ABCG5: variants seen among roughly 807,000 people sequenced by gnomAD.
ABCG5 encodes ATP-binding cassette sub-family G member 5.
Under a neutral mutation model 64.5 loss-of-function variants are expected in ABCG5, and 64 were observed. That is an observed-to-expected ratio of 0.99 (90% CI 0.81 to 1.22). The LOEUF is 1.22. Among genes scored for constraint, ABCG5 ranks in the 50% most tolerant of loss-of-function variants. The pLI is 0.00. For synonymous variants in ABCG5, 385 were observed against 326.3 expected, an observed-to-expected ratio of 1.18 and a Z score of -1.94; for missense variants, 908 against 829.5, an observed-to-expected ratio of 1.09 and a Z score of -1.16.
Position 43,828,104 on chromosome 2 carries a change from G to T in ABCG5, c.513C>A (p.Val171=), listed in dbSNP as rs1667732856. ...CATGGCTCAGACTCAGCTCTGCCAT[G>T]ACGGCCTCCACCTGCAGGAGACACA... ...PGSFQKKVEA[V]MAELSLSHVA... is the part of the protein sequence containing the mutation. Residue 171 remains valine (V), a synonymous_variant, in exon 5 of 13, where the codon GTC becomes GTA. Transcript: ENST00000405322. 6.2e-7 allele frequency: 1 copy of T among 1,613,904 alleles called. No homozygotes were observed. The highest frequency in any genetic ancestry group is 1.3e-5 in the African/African-American group (1 of 74,884).
rs770777560 is a variant in ABCG5 at position 43,827,995 on chromosome 2, G to A, written c.622C>T (p.Leu208Phe). 2.5e-6 allele frequency: 4 copies of A among 1,614,086 alleles called. No homozygotes were observed. In the East Asian group the frequency reaches 8.9e-5, roughly 36 times the overall value. ...RRRVSIAAQL[L>F]QDPKVMLFDE... ...GGGTGCCACTTACTAGGATCCTGGA[G>A]CAGCTGGGCTGCGATGGAGACCCGG... The change falls in exon 5 of 13, where the codon CTC (leucine) becomes TTC (phenylalanine). Residue 208 changes from leucine to phenylalanine, a missense_variant. Leu to Phe is a conservative substitution (Grantham distance 22). Coordinates refer to ENST00000405322, the MANE Select transcript of ABCG5 (RefSeq NM_022436.3).
In ABCG5 at chr2:43,837,877, C is replaced by G; in HGVS notation, c.222G>C (p.Leu74Phe). ...ACATGATCTGCCCGCTCTCCACGTA[C>G]AAGGAGACATCTTTGAGGATCTGCC... ...WTRQILKDVS[L>F]YVESGQIMCI... Residue 74 changes from leucine (L) to phenylalanine (F), a missense_variant, in exon 2 of 13, where the codon TTG (leucine) becomes TTC (phenylalanine). Coordinates refer to ENST00000405322, the MANE Select transcript of ABCG5 (RefSeq NM_022436.3). The G allele has an allele frequency of 6.2e-7, 1 of 1,614,150 alleles. No individual in the cohort carries two copies. The highest frequency in any genetic ancestry group is 8.5e-7 in the Non-Finnish European group (1 of 1,180,000).
intron 4 of ABCG5, among the ~76,000 whole-genome samples, chr2:43,830,660 T>C (rs1310631892): frequency 6.6e-6 from 1 of 152,150 alleles, no homozygotes; most frequent in Non-Finnish European, 1.5e-5. Context: ...TGACTCTCAA[T>C]TGGAGAGAAC....
intron 2 of ABCG5, among the ~76,000 whole-genome samples, chr2:43,833,549 ATT>A (rs1168918302): frequency 6.6e-6 from 1 of 150,934 alleles, no homozygotes; most frequent in Non-Finnish European, 1.5e-5. Context: ...TGCCCAACTA[ATT>A]TTTTTTGTAT....
chr2:43,812,239 G>A (rs1028353257), downstream of ABCG5, among the ~76,000 whole-genome samples: 2 of 151,474 alleles, frequency 1.3e-5, no homozygotes, highest in African/African-American at 4.8e-5. Context: ...TTTCTATATG[G>A]ACTTTAAATA....
chr2:43,820,132 C>T, intron 10 of ABCG5, 32 bp from the exon 11 acceptor site: 1 of 1,602,178 alleles, frequency 6.2e-7, no homozygotes. Flanking sequence ...AGTTTCCTCT[C>T]CAAGGGCTAT....
intron 10 of ABCG5, among the ~76,000 whole-genome samples, chr2:43,820,682 T>C (rs920669104): frequency 2.6e-5 from 4 of 152,178 alleles, no homozygotes; most frequent in Non-Finnish European, 5.9e-5. Context: ...GAGACGGAGT[T>C]GCACTCTGTT....
intron 12 of ABCG5, 41 bp downstream of exon 12, chr2:43,814,436 G>C: frequency 7.5e-7 from 1 of 1,324,946 alleles, no homozygotes; most frequent in Non-Finnish European, 1.1e-6. Context: ...TGCTTCCTCA[G>C]AGTAACATGC....
intron 11 of ABCG5, among the ~76,000 whole-genome samples, chr2:43,817,600 A>G (rs1361693294): frequency 6.6e-6 from 1 of 151,946 alleles, no homozygotes; most frequent in Admixed American, 6.6e-5. Flanking sequence ...CATAAGTTGA[A>G]AATATTCTAA....
chr2:43,833,549 A>AT (rs1168918302), intron 2 of ABCG5, among the ~76,000 whole-genome samples: 2 of 151,042 alleles, frequency 1.3e-5, no homozygotes, highest in South Asian at 2.1e-4. Flanking sequence ...TGCCCAACTA[A>AT]TTTTTTTTGT....
At chr2:43,813,685 G>T (rs201556839) in intron 12 of ABCG5, among the ~76,000 whole-genome samples, 291 of 18,572 alleles carry the variant, frequency 0.016, no homozygotes, top group Middle Eastern at 0.036. Flanking sequence ...TTTTTTTTTT[G>T]TTTTTTTTGG....
At chr2:43,828,970 AAAT>A (rs1558757991) in intron 4 of ABCG5, among the ~76,000 whole-genome samples, 1 of 151,964 alleles carries the variant, frequency 6.6e-6, no homozygotes, top group Non-Finnish European at 1.5e-5. Flanking sequence ...GATTCAAAAA[AAAT>A]AATAATAAAT....
chr2:43,814,795 A>T (rs1046870553), intron 11 of ABCG5, among the ~76,000 whole-genome samples: 5 of 152,202 alleles, frequency 3.3e-5, no homozygotes, highest in African/African-American at 1.2e-4. Context: ...TATTGTTAAC[A>T]TTTTGGTAAT....
intron 9 of ABCG5, among the ~76,000 whole-genome samples, chr2:43,823,545 G>A (rs888666237): frequency 1.3e-5 from 2 of 152,094 alleles, no homozygotes; most frequent in Non-Finnish European, 2.9e-5. Context: ...CCTAAAATCA[G>A]CTCCAAAGAG....
chr2:43,807,206 G>T, the ABCG5 span, among the ~76,000 whole-genome samples: 1 of 152,074 alleles, frequency 6.6e-6, no homozygotes, highest in African/African-American at 2.4e-5. Flanking sequence ...AGTCCTCAAG[G>T]ATCTGAGGAT....
rs532346495 is a variant in ABCG5 at position 43,834,370 on chromosome 2, G to A, written c.266-2287C>T. On this transcript the variant is annotated intron_variant, in intron 2 of 12. Transcript: ENST00000405322. ...GGGATATTAAAGCCACTTTATTGTT[G>A]CCAAATCCAGTGTATACTTCTCTGG... Among the ~76,000 whole-genome samples, 47 of 152,278 alleles carry A rather than the reference G, an allele frequency of 3.1e-4. 1 individual carries two copies. Among genetic ancestry groups the A allele is most frequent in the African/African-American group, 1.1e-3 (46 of 41,556 alleles).
chr2:43,829,533 C>A (rs1405155110), intron 4 of ABCG5, among the ~76,000 whole-genome samples: 1 of 152,134 alleles, frequency 6.6e-6, no homozygotes, highest in Non-Finnish European at 1.5e-5. Flanking sequence ...AAAAAAAATT[C>A]TTTACTGAAT....
chr2:43,813,756 C>T (rs1346379597), intron 12 of ABCG5, among the ~76,000 whole-genome samples: 8 of 127,262 alleles, frequency 6.3e-5, no homozygotes, highest in East Asian at 4.6e-4. Context: ...TTCACTCTGC[C>T]GCCCAGGCTG....
downstream of ABCG5, among the ~76,000 whole-genome samples, chr2:43,811,482 T>C (rs569630409): frequency 2.0e-4 from 31 of 152,232 alleles, no homozygotes; most frequent in African/African-American, 7.5e-4. Flanking sequence ...TCATGCGCTC[T>C]CTACCATATT....
Sources: allele counts gnomAD v4.1 joint callset (sites outside exome capture counted in the v4.1 genomes callset), GRCh38; gene constraint gnomAD v4.1.1; transcripts MANE v1.5; gene names NCBI Gene and HGNC (gene_info 2026-07-23, HGNC 2026-07-21).